STPG2: variants seen among roughly 807,000 people sequenced by gnomAD.
STPG2 encodes the protein sperm-tail PG-rich repeat-containing protein 2.
Under a neutral mutation model 54.2 loss-of-function variants are expected in STPG2, and 56 were observed. The observed-to-expected ratio is 1.03, with a 90% CI of 0.83 to 1.29. The LOEUF is 1.29. STPG2 is among the 50% of genes most tolerant of loss of function. The pLI is 0.00. For synonymous variants in STPG2, 200 were observed against 181.8 expected (o/e 1.10, Z -0.81); for missense variants, 596 against 544.9 (o/e 1.09, Z -0.93).
rs576486717 is a variant in STPG2 at position 97,743,764 on chromosome 4, C to T, written c.1205-30950G>A. On this transcript the variant is annotated intron_variant, in intron 9 of 10. Coordinates refer to ENST00000295268, the MANE Select transcript of STPG2 (RefSeq NM_174952.3). ...AGATAGAAGATTAGTACCATTAATT[C>T]CATGGGGTTCTAAATAGTGAGAAAG... Among the ~76,000 whole-genome samples the T allele has an allele frequency of 3.3e-5, 5 of 151,592 alleles. No homozygotes were observed. The South Asian group carries it at 6.2e-4, about 19-fold the overall frequency.
chr4:97,819,742 T>A (rs1266449630), intron 9 of STPG2, among the ~76,000 whole-genome samples: 1 of 152,072 alleles, frequency 6.6e-6, no homozygotes, highest in East Asian at 1.9e-4. Flanking sequence ...TTTAAACTAT[T>A]TAAATTAAAT....
chr4:97,801,997 T>C (rs1027441814), intron 9 of STPG2, among the ~76,000 whole-genome samples: 1 of 152,208 alleles, frequency 6.6e-6, no homozygotes, highest in Non-Finnish European at 1.5e-5. Flanking sequence ...GAGGACTTGT[T>C]ACAACAGAGG....
chr4:98,096,927 C>T (rs1039233767), intron 5 of STPG2, among the ~76,000 whole-genome samples: 6 of 151,982 alleles, frequency 3.9e-5, no homozygotes, highest in African/African-American at 9.7e-5. Flanking sequence ...GGTTAACCCA[C>T]AAAGAAATCC....
At chr4:97,570,425 C>T (rs1211927606) in intron 10 of STPG2, among the ~76,000 whole-genome samples, 1 of 152,016 alleles carries the variant, frequency 6.6e-6, no homozygotes, top group East Asian at 1.9e-4. Flanking sequence ...GAGCTGAAGA[C>T]AACTAACAAG....
At chr4:97,958,899 A>C (rs1028314574) in intron 7 of STPG2, among the ~76,000 whole-genome samples, 5 of 152,188 alleles carry the variant, frequency 3.3e-5, no homozygotes, top group Non-Finnish European at 5.9e-5. Flanking sequence ...AGAACATTTT[A>C]CCCAACAATT....
intron 10 of STPG2, among the ~76,000 whole-genome samples, chr4:97,651,491 T>A (rs564362719): frequency 5.3e-4 from 81 of 152,034 alleles, no homozygotes; most frequent in Non-Finnish European, 1.1e-3. Flanking sequence ...CATTAAAAAT[T>A]AATATCATCA....
intron 8 of STPG2, among the ~76,000 whole-genome samples, chr4:97,943,071 T>C (rs1441929431): frequency 6.6e-6 from 1 of 152,088 alleles, no homozygotes; most frequent in Non-Finnish European, 1.5e-5. Context: ...AGACTCAGTA[T>C]CTGGAGAGGC....
intron 9 of STPG2, among the ~76,000 whole-genome samples, chr4:97,785,160 C>T (rs942104818): frequency 1.3e-5 from 2 of 151,840 alleles, no homozygotes. Context: ...ATTGTACTGT[C>T]ATATAATATT....
At chr4:97,511,652 A>T (rs1352330373) in intron 4 of STPG2, among the ~76,000 whole-genome samples, 2 of 152,144 alleles carry the variant, frequency 1.3e-5, no homozygotes, top group Non-Finnish European at 2.9e-5. Flanking sequence ...CGTTATGCAC[A>T]ATACCTGCAG....
At chr4:97,854,900 C>G (rs1729283858) in intron 8 of STPG2, among the ~76,000 whole-genome samples, 2 of 152,140 alleles carry the variant, frequency 1.3e-5, no homozygotes, top group Admixed American at 6.5e-5. Context: ...TCTCCCTCCC[C>G]CAACGTCTTG....
chr4:97,890,040 C>T lies in STPG2; in HGVS notation c.1045-49108G>A, dbSNP rs148446133. On this transcript the variant is annotated intron_variant, in intron 8 of 10. Coordinates refer to ENST00000295268, the MANE Select transcript of STPG2 (RefSeq NM_174952.3). ...GACATAAGGAGCTATTAAAGGCAAT[C>T]AGTTTTTCCAGATTGGTGGCATAAT... Among the ~76,000 whole-genome samples the T allele has an allele frequency of 1.0e-3, 153 of 152,188 alleles. No individual in the cohort carries two copies. In the Middle Eastern group the frequency reaches 0.017, roughly 17 times the overall value.
At chr4:97,641,417 T>C (rs970588855) in intron 10 of STPG2, among the ~76,000 whole-genome samples, 2 of 142,576 alleles carry the variant, frequency 1.4e-5, no homozygotes, top group African/African-American at 6.1e-5. Context: ...ATAGCACTTA[T>C]GTATACTCAT....
chr4:97,507,275 T>C (rs1369158533), intron 4 of STPG2, among the ~76,000 whole-genome samples: 1 of 152,046 alleles, frequency 6.6e-6, no homozygotes, highest in Non-Finnish European at 1.5e-5. Flanking sequence ...ACCAGAATTA[T>C]GACTAGAGAT....
At chr4:97,806,073 T>C (rs1019954472) in intron 9 of STPG2, among the ~76,000 whole-genome samples, 2 of 152,150 alleles carry the variant, frequency 1.3e-5, no homozygotes, top group Non-Finnish European at 2.9e-5. Flanking sequence ...CGCAGTGCTA[T>C]TCACAATAAC....
chr4:98,076,019 C>A (rs1052471607), intron 5 of STPG2, among the ~76,000 whole-genome samples: 2 of 152,114 alleles, frequency 1.3e-5, no homozygotes, highest in Non-Finnish European at 2.9e-5. Context: ...CCCAGGCGGG[C>A]AGATCACGAG....
chr4:97,907,489 C>T (rs543911579), intron 8 of STPG2, among the ~76,000 whole-genome samples: 1 of 151,940 alleles, frequency 6.6e-6, no homozygotes, highest in Non-Finnish European at 1.5e-5. Context: ...GCTACCAATG[C>T]CTTTCTTCAC....
chr4:97,807,319 G>T (rs1370840542), intron 9 of STPG2, among the ~76,000 whole-genome samples: 1 of 151,198 alleles, frequency 6.6e-6, no homozygotes, highest in African/African-American at 2.4e-5. Context: ...TTCTGTTTTT[G>T]CCTTTAAGCT....
intron 5 of STPG2, among the ~76,000 whole-genome samples, chr4:98,094,670 T>C (rs1185705685): frequency 6.6e-6 from 1 of 152,180 alleles, no homozygotes; most frequent in African/African-American, 2.4e-5. Context: ...GAAGAGCCCT[T>C]GGGCTTTAAG....
At chr4:97,684,696 T>C (rs1254412897) in intron 10 of STPG2, among the ~76,000 whole-genome samples, 1 of 151,902 alleles carries the variant, frequency 6.6e-6, no homozygotes. Context: ...TTGCAATGAA[T>C]ATTAGATACA....
Sources: allele counts gnomAD v4.1 joint callset (sites outside exome capture counted in the v4.1 genomes callset), GRCh38; gene constraint gnomAD v4.1.1; transcripts MANE v1.5; gene names NCBI Gene and HGNC (gene_info 2026-07-23, HGNC 2026-07-21).